CNTNAP2: variants seen among roughly 807,000 people sequenced by gnomAD.
CNTNAP2 encodes the protein contactin associated protein 2.
Under a neutral mutation model 155.2 loss-of-function variants are expected in CNTNAP2, and 98 were observed. That is an observed-to-expected ratio of 0.63 (90% confidence interval 0.54 to 0.75). CNTNAP2 has a LOEUF of 0.75. Ranked by LOEUF, CNTNAP2 falls within the 30% of genes least tolerant of loss-of-function variation. CNTNAP2 has a pLI of 0.00. For missense variants in CNTNAP2, 1,727 were observed against 1,688.1 expected (o/e 1.02, Z -0.40); for synonymous variants, 651 against 631.2 (o/e 1.03, Z -0.47).
intron 18 of CNTNAP2, among the ~76,000 whole-genome samples, chr7:148,194,291 C>T (rs1344311341): frequency 6.6e-6 from 1 of 152,116 alleles, no homozygotes; most frequent in Non-Finnish European, 1.5e-5. Flanking sequence ...CCCAACACTC[C>T]TGGCCTCTTT....
At chr7:147,365,698 T>C (rs1012548342) in intron 9 of CNTNAP2, among the ~76,000 whole-genome samples, 6 of 152,134 alleles carry the variant, frequency 3.9e-5, no homozygotes, top group African/African-American at 1.4e-4. Flanking sequence ...TAGTGTAAAA[T>C]ATATATTCTA....
At chr7:147,564,095 G>A (rs556231293) in intron 12 of CNTNAP2, among the ~76,000 whole-genome samples, 8 of 152,156 alleles carry the variant, frequency 5.3e-5, no homozygotes, top group South Asian at 2.1e-4. Context: ...CTTGAGCCCC[G>A]GAGGTTCGAG....
Position 146,788,185 on chromosome 7 carries a change from C to T in CNTNAP2, c.208+13804C>T, listed in dbSNP as rs568383249. 8.5e-5 allele frequency among the ~76,000 whole-genome samples: 13 copies of T among 152,314 alleles called. No individual in the cohort carries two copies. The East Asian group carries it at 2.3e-3, about 27-fold the overall frequency. The stretch of plus-strand genomic sequence containing the variant: ...GGGCTGGCCACCAAGCCGGCGCCCA[C>T]CTGGAACCCGTGTGGCCTGAGAGCA... On this transcript the variant is annotated intron_variant, in intron 2 of 23. Transcript: ENST00000361727.
intron 15 of CNTNAP2, among the ~76,000 whole-genome samples, chr7:148,096,038 A>G (rs533694549): frequency 3.9e-4 from 59 of 152,354 alleles, no homozygotes; most frequent in African/African-American, 1.4e-3. Flanking sequence ...TTGCTTCTGC[A>G]TGGTTATTTT....
intron 12 of CNTNAP2, among the ~76,000 whole-genome samples, chr7:147,582,906 A>G (rs1800532717): frequency 6.6e-6 from 1 of 152,140 alleles, no homozygotes; most frequent in Non-Finnish European, 1.5e-5. Flanking sequence ...TAATCCCCAG[A>G]GCCTATTTAA....
chr7:146,523,024 GTA>G, intron 1 of CNTNAP2, among the ~76,000 whole-genome samples: 1 of 151,598 alleles, frequency 6.6e-6, no homozygotes, highest in East Asian at 1.9e-4. Flanking sequence ...ATTTATTGGG[GTA>G]CCGGTAGTAT....
At chr7:147,393,196 A>G (rs1796752909) in intron 9 of CNTNAP2, among the ~76,000 whole-genome samples, 1 of 152,092 alleles carries the variant, frequency 6.6e-6, no homozygotes. Context: ...AAAAAAATTA[A>G]TGAATATGTA....
chr7:146,807,906 C>A (rs1802996407), intron 2 of CNTNAP2, among the ~76,000 whole-genome samples: 1 of 152,230 alleles, frequency 6.6e-6, no homozygotes, highest in Non-Finnish European at 1.5e-5. Context: ...TGAAGAATCA[C>A]ATTTTTTCAC....
intron 13 of CNTNAP2, among the ~76,000 whole-genome samples, chr7:147,665,444 T>C (rs1038296392): frequency 2.6e-5 from 4 of 152,212 alleles, no homozygotes; most frequent in Non-Finnish European, 5.9e-5. Flanking sequence ...TTGTGGTGAA[T>C]ATATATTCTT....
intron 21 of CNTNAP2, among the ~76,000 whole-genome samples, chr7:148,357,760 C>T (rs564460240): frequency 2.5e-4 from 38 of 152,294 alleles, no homozygotes; most frequent in Non-Finnish European, 3.8e-4. Flanking sequence ...ATTTCTGATT[C>T]CAACTAAATT....
At chr7:147,727,770 T>C (rs1305003058) in intron 13 of CNTNAP2, among the ~76,000 whole-genome samples, 1 of 143,584 alleles carries the variant, frequency 7.0e-6, no homozygotes, top group Admixed American at 7.2e-5. Flanking sequence ...TTTCCTGCGC[T>C]CACTGCACTG....
intron 1 of CNTNAP2, among the ~76,000 whole-genome samples, chr7:146,691,442 A>G (rs1800695739): frequency 6.6e-6 from 1 of 152,158 alleles, no homozygotes. Flanking sequence ...GAGCAAAATT[A>G]TCTAACACAA....
chr7:146,914,155 C>A (rs927054833), intron 3 of CNTNAP2, among the ~76,000 whole-genome samples: 2 of 151,698 alleles, frequency 1.3e-5, no homozygotes, highest in African/African-American at 4.8e-5. Context: ...CAGTCGTATT[C>A]ATATATATAT....
At position 146,640,029 on chromosome 7, in the gene CNTNAP2, C is replaced by G. The variant is rs563378230; in HGVS notation, c.98-134242C>G. ...AGTATAAGGAAGTCTTCCTGGTCCT[C>G]CTTAAGTTCCACGGCAGGGTGCCTG... is the stretch of plus-strand genomic sequence containing the variant. On this transcript the variant is annotated intron_variant, in intron 1 of 23. Coordinates refer to ENST00000361727, the MANE Select transcript of CNTNAP2 (RefSeq NM_014141.6). Among the ~76,000 whole-genome samples the G allele has an allele frequency of 2.0e-5, 3 of 152,322 alleles. No individual in the cohort carries two copies. In the South Asian group the frequency reaches 6.2e-4, roughly 32 times the overall value.
chr7:147,086,300 G>C (rs1316338604), intron 4 of CNTNAP2, among the ~76,000 whole-genome samples: 5 of 151,786 alleles, frequency 3.3e-5, no homozygotes, highest in Non-Finnish European at 7.4e-5. Flanking sequence ...ATGAAACAAA[G>C]AAGAAAATAG....
At chr7:148,085,581 G>A (rs747645195) in intron 15 of CNTNAP2, among the ~76,000 whole-genome samples, 8 of 152,094 alleles carry the variant, frequency 5.3e-5, no homozygotes, top group Admixed American at 2.6e-4. Flanking sequence ...AGTTAGTACC[G>A]TGATTTCTGA....
intron 1 of CNTNAP2, among the ~76,000 whole-genome samples, chr7:146,135,127 G>A (rs893072498): frequency 3.9e-5 from 6 of 151,986 alleles, no homozygotes; most frequent in African/African-American, 1.2e-4. Context: ...ACATTGAGTA[G>A]CAATATTTTA....
chr7:146,817,394 C>A (rs187688069), intron 2 of CNTNAP2, among the ~76,000 whole-genome samples: 1 of 151,954 alleles, frequency 6.6e-6, no homozygotes, highest in African/African-American at 2.4e-5. Context: ...ATTGCTTGAA[C>A]CCGGGAGGCG....
intron 8 of CNTNAP2, among the ~76,000 whole-genome samples, chr7:147,253,387 T>G (rs1223108851): frequency 1.3e-5 from 2 of 149,658 alleles, no homozygotes; most frequent in East Asian, 1.9e-4. Flanking sequence ...TTCTCTGTTT[T>G]TTTTTTTTTT....
Sources: allele counts gnomAD v4.1 joint callset (sites outside exome capture counted in the v4.1 genomes callset), GRCh38; gene constraint gnomAD v4.1.1; transcripts MANE v1.5; gene names NCBI Gene and HGNC (gene_info 2026-07-23, HGNC 2026-07-21).